Variants in IFI16 observed in about 807,000 individuals in gnomAD.
The protein encoded by IFI16 is interferon gamma inducible protein 16, also known as gamma-interferon-inducible protein 16.
A neutral mutation model predicts 68.4 loss-of-function variants in IFI16; 49 were observed. The observed-to-expected ratio is 0.72, with a 90% CI of 0.57 to 0.91. The LOEUF (loss-of-function observed/expected upper bound fraction) is 0.91. Among genes scored for constraint, IFI16 ranks in the 40% least tolerant of loss-of-function variants. The pLI, the probability that IFI16 is intolerant of heterozygous loss-of-function variation, is 0.00. For synonymous variants in IFI16, 307 were observed against 315.0 expected (o/e 0.97, Z 0.27); for missense variants, 878 against 942.9 (o/e 0.93, Z 0.90).
intron 6 of IFI16, among the ~76,000 whole-genome samples, chr1:159,027,259 CTTTTT>C (rs368550252): frequency 1.3e-5 from 2 of 150,526 alleles, no homozygotes; most frequent in African/African-American, 4.9e-5. Flanking sequence ...TTGTCAAATG[CTTTTT>C]TTTTGCGTCT....
In IFI16 at chr1:159,049,505, C is replaced by T. The variant is rs1332903417; in HGVS notation, c.1571C>T (p.Pro524Leu). Reference protein sequence around the residue: ...MQILKEGSHFPGPFMTSIGPA... With the variant: ...MQILKEGSHFLGPFMTSIGPA... ...ATACTGAAGGAAGGGAGTCATTTTC[C>T]AGGACCGTTCATGACCAGCATAGGC... Residue 524 changes from proline (P) to leucine (L), a missense_variant, in exon 9 of 12, where the codon CCA becomes CTA. Pro to Leu is a moderately conservative substitution (Grantham distance 98). This residue lies in a region of IFI16 where 59 missense variants were observed against 119.0 expected (regional missense o/e 0.50). Coordinates refer to ENST00000295809, the MANE Select transcript of IFI16 (RefSeq NM_001376587.1). 2 of 1,594,604 alleles carry T rather than the reference C, an allele frequency of 1.3e-6. No individual in the cohort carries two copies. The highest frequency in any genetic ancestry group is 1.4e-5 in the African/African-American group (1 of 73,318).
intron 1 of IFI16, among the ~76,000 whole-genome samples, chr1:159,000,873 C>T (rs1413605324): frequency 1.3e-5 from 2 of 152,104 alleles, no homozygotes; most frequent in South Asian, 2.1e-4. Flanking sequence ...GAGTTCTCCT[C>T]TGAGTCACAG....
intron 6 of IFI16, among the ~76,000 whole-genome samples, chr1:159,027,762 G>A (rs935607048): frequency 2.6e-5 from 4 of 151,974 alleles, no homozygotes; most frequent in Non-Finnish European, 4.4e-5. Context: ...AACCCAGGAG[G>A]GTTGTATATT....
upstream of IFI16, among the ~76,000 whole-genome samples, chr1:159,001,140 G>A (rs2101768391): frequency 6.6e-6 from 1 of 152,318 alleles, no homozygotes; most frequent in African/African-American, 2.4e-5. Context: ...CAGAATGTGT[G>A]TAGAACTACA....
chr1:159,017,368 C>CT (rs967648908), intron 4 of IFI16, among the ~76,000 whole-genome samples: 11 of 152,240 alleles, frequency 7.2e-5, no homozygotes, highest in African/African-American at 2.6e-4. Context: ...GGTAGGAACA[C>CT]TATGAAATGT....
intron 9 of IFI16, among the ~76,000 whole-genome samples, chr1:159,051,370 C>A (rs1655346818): frequency 6.6e-6 from 1 of 152,168 alleles, no homozygotes; most frequent in Non-Finnish European, 1.5e-5. Context: ...TTGCCTTTAC[C>A]CTCTGCTTCC....
intron 7 of IFI16, among the ~76,000 whole-genome samples, chr1:159,042,398 C>G (rs1448105167): frequency 1.3e-5 from 2 of 152,136 alleles, no homozygotes; most frequent in South Asian, 4.1e-4. Flanking sequence ...TATTACTATA[C>G]CAATGTGTTC....
At chr1:159,040,705 CATTATTAACAATGGCAATAATTATAT>C (rs1159139722) in intron 7 of IFI16, among the ~76,000 whole-genome samples, 1 of 152,108 alleles carries the variant, frequency 6.6e-6, no homozygotes, top group Non-Finnish European at 1.5e-5. Context: ...CTGCACAGGC[CATTATTAACAATGGCAATAATTATAT>C]TTTTGCTTGT....
intron 8 of IFI16, among the ~76,000 whole-genome samples, chr1:159,047,817 C>CTA (rs1040092116): frequency 6.6e-6 from 1 of 150,394 alleles, no homozygotes. Context: ...CGGAAACAGA[C>CTA]TATTACCTTT....
At chr1:159,032,953 G>C (rs938140535) in intron 7 of IFI16, among the ~76,000 whole-genome samples, 1 of 151,884 alleles carries the variant, frequency 6.6e-6, no homozygotes, top group African/African-American at 2.4e-5. Flanking sequence ...GTTGTAGAGA[G>C]GGTAAGAGAG....
intron 4 of IFI16, 68 bp from the exon 5 acceptor site, chr1:159,018,161 C>T: frequency 2.2e-6 from 3 of 1,344,276 alleles, no homozygotes; most frequent in Non-Finnish European, 3.1e-6. Context: ...ATACTGAGGT[C>T]ACTGAATAGC....
intron 6 of IFI16, among the ~76,000 whole-genome samples, chr1:159,025,720 G>A (rs1363768079): frequency 1.3e-5 from 2 of 152,118 alleles, no homozygotes; most frequent in Non-Finnish European, 1.5e-5. Context: ...ATTTGCTTTT[G>A]GGTTCTTAGT....
At chr1:159,032,305 A>G (rs1654045613) in intron 6 of IFI16, among the ~76,000 whole-genome samples, 2 of 152,220 alleles carry the variant, frequency 1.3e-5, no homozygotes, top group Non-Finnish European at 2.9e-5. Flanking sequence ...ATCAGTAAGT[A>G]GATATTGAAA....
chr1:159,013,827 T>TA (rs1297910886), intron 1 of IFI16, among the ~76,000 whole-genome samples: 3 of 152,054 alleles, frequency 2.0e-5, no homozygotes, highest in African/African-American at 7.2e-5. Flanking sequence ...GTACTAGAAG[T>TA]AAAAAAGATG....
At position 159,051,897 on chromosome 1, in the gene IFI16, G is replaced by A. The variant is rs774737444; in HGVS notation, c.1884G>A (p.Lys628=). Residue 628 remains lysine (K), a synonymous_variant, in exon 10 of 12, where the codon AAG becomes AAA. Coordinates refer to ENST00000295809, the MANE Select transcript of IFI16 (RefSeq NM_001376587.1). The part of the protein sequence containing the change: ...IDLKEKFTPK[K]IIAIANYVCR... ...TAAAGGAGAAGTTCACCCCAAAGAA[G>A]ATCATTGCCATAGCAAATTATGTTT... 2 of 1,613,960 alleles carry A rather than the reference G, an allele frequency of 1.2e-6. No individual in the cohort carries two copies. The highest frequency in any genetic ancestry group is 1.7e-6 in the Non-Finnish European group (2 of 1,179,956).
At chr1:159,019,431 C>T (rs1045224998) in intron 5 of IFI16, among the ~76,000 whole-genome samples, 2 of 151,790 alleles carry the variant, frequency 1.3e-5, no homozygotes, top group African/African-American at 4.8e-5. Context: ...TTTCCTAGAA[C>T]AACTCATTAA....
At chr1:159,044,634 A>T (rs1344155537) in intron 7 of IFI16, among the ~76,000 whole-genome samples, 1 of 152,196 alleles carries the variant, frequency 6.6e-6, no homozygotes, top group African/African-American at 2.4e-5. Flanking sequence ...TAGTCAAGGT[A>T]TGTGATTTTA....
chr1:159,006,367 A>G (rs1367864526), upstream of IFI16, among the ~76,000 whole-genome samples: 4 of 152,236 alleles, frequency 2.6e-5, no homozygotes, highest in Non-Finnish European at 5.9e-5. Context: ...CAACGGTACC[A>G]GGTGCAAGGT....
At chr1:159,017,494 TG>T (rs964907923) in intron 4 of IFI16, among the ~76,000 whole-genome samples, 37 of 152,272 alleles carry the variant, frequency 2.4e-4, no homozygotes, top group African/African-American at 8.2e-4. Context: ...TAGTATTTAT[TG>T]ATCATTTTAA....
Sources: allele counts gnomAD v4.1 joint callset (sites outside exome capture counted in the v4.1 genomes callset), GRCh38; gene constraint gnomAD v4.1.1; regional missense constraint gnomAD v4.1.1; transcripts MANE v1.5; gene names NCBI Gene and HGNC (gene_info 2026-07-23, HGNC 2026-07-21).